FLT4: variants seen among roughly 807,000 people sequenced by gnomAD.
The protein encoded by FLT4 is vascular endothelial growth factor receptor 3.
FLT4 carries 30 observed loss-of-function variants against 163.2 expected under a neutral mutation model. That is an observed-to-expected ratio of 0.18 (90% CI 0.14 to 0.25). FLT4 has a LOEUF of 0.25. Ranked by LOEUF, FLT4 falls within the 10% of genes least tolerant of loss-of-function variation. The pLI is 1.00. For synonymous variants in FLT4, 884 were observed against 789.5 expected (o/e 1.12, Z -2.01); for missense variants, 1,510 against 1,863.8 (o/e 0.81, Z 3.50).
At chr5:180,637,198 T>C (rs1764751668) in intron 1 of FLT4, among the ~76,000 whole-genome samples, 1 of 151,348 alleles carries the variant, frequency 6.6e-6, no homozygotes, top group South Asian at 2.1e-4. Context: ...GGCACGGTGG[T>C]GGGTGCCTGT....
chr5:180,632,107 C>T (rs10080012), intron 1 of FLT4, among the ~76,000 whole-genome samples: 4,210 of 152,242 alleles, frequency 0.028, 88 homozygotes, highest in South Asian at 0.11. Context: ...GGGGGAGGGG[C>T]GCTGGAGTGT....
intron 1 of FLT4, among the ~76,000 whole-genome samples, chr5:180,645,960 G>A (rs1028521321): frequency 2.0e-5 from 3 of 152,156 alleles, no homozygotes; most frequent in African/African-American, 7.2e-5. Flanking sequence ...GCACAGGCTA[G>A]GCCTTGGTGG....
Position 180,630,824 on chromosome 5 carries a change from G to T in FLT4, c.156-25C>A. On this transcript the variant is annotated intron_variant, in intron 2 of 29. Transcript: ENST00000261937. The surrounding 1 kb of genome is among the most constrained non-coding windows in gnomAD (Gnocchi z 6.3). ...CCTGGCAGAGGACAGGAGTGGTCAGGTGGGCCCCAGGGCAGCCCATGGGGA... is the reference window on the plus strand; with the variant it reads ...CCTGGCAGAGGACAGGAGTGGTCAGTTGGGCCCCAGGGCAGCCCATGGGGA... The T allele has an allele frequency of 6.3e-7, 1 of 1,587,790 alleles. No individual in the cohort carries two copies. The highest frequency in any genetic ancestry group is 8.5e-7 in the Non-Finnish European group (1 of 1,171,720).
chr5:180,616,689 G>A (rs79450271), intron 22 of FLT4, among the ~76,000 whole-genome samples, 200 bp from the exon 23 acceptor site: 56 of 152,338 alleles, frequency 3.7e-4, no homozygotes, highest in East Asian at 2.7e-3. Flanking sequence ...AGCAGAGAAA[G>A]TTGTGGAGTC....
At chr5:180,629,867 C>T in intron 5 of FLT4, 32 bp from the exon 6 acceptor site, 1 of 1,612,612 alleles carries the variant, frequency 6.2e-7, no homozygotes, top group Non-Finnish European at 8.5e-7. Flanking sequence ...CTCCCACGCC[C>T]TCACAGGACG....
rs754012423 is a variant in FLT4, at chr5:180,622,809, T to C, written c.1579A>G (p.Asn527Asp). 4.3e-6 allele frequency: 7 copies of C among 1,613,548 alleles called. No individual in the cohort carries two copies. In the South Asian group the frequency reaches 7.7e-5, roughly 18 times the overall value. ...ACACACTTGTACATGGCAGACACGTTGGCATTCTGGATCACCAGCTTGCTC... is the reference window on the plus strand; with the variant it reads ...ACACACTTGTACATGGCAGACACGTCGGCATTCTGGATCACCAGCTTGCTC... Reference protein sequence around the residue: ...TVSKLVIQNANVSAMYKCVVS... With the variant: ...TVSKLVIQNADVSAMYKCVVS... The change falls in exon 12 of 30, where the codon AAC (asparagine) becomes GAC (aspartate). Residue 527 changes from asparagine to aspartate, a missense_variant. Asn to Asp is a conservative substitution (Grantham distance 23). Coordinates refer to ENST00000261937, the MANE Select transcript of FLT4 (RefSeq NM_182925.5).
At chr5:180,607,363 G>A (rs533815842) in intron 29 of FLT4, among the ~76,000 whole-genome samples, 3 of 152,192 alleles carry the variant, frequency 2.0e-5, no homozygotes, top group Non-Finnish European at 4.4e-5. Flanking sequence ...GTGGCCGGGC[G>A]CGGTGGCTCA....
At chr5:180,649,714 C>T (rs891073674), upstream of FLT4, 7 of 199,968 alleles carry the variant, frequency 3.5e-5, no homozygotes, top group African/African-American at 1.4e-4. Context: ...TCCCAGCCCG[C>T]CGCGGGGCGT....
chr5:180,623,928 C>T lies in FLT4; in HGVS notation c.1548+7G>A, dbSNP rs746941382. On this transcript the variant is annotated splice_region_variant and intron_variant, in intron 11 of 29. Coordinates refer to ENST00000261937, the MANE Select transcript of FLT4 (RefSeq NM_182925.5). The surrounding 1 kb of genome is among the most constrained non-coding windows in gnomAD (Gnocchi z 5.8). ...CCTGGGCACTCAGCAGCGCGGCTGG[C>T]CTGTACCTTATTCTTTCCCTCCACA... is the stretch of plus-strand genomic sequence containing the variant. 4.3e-6 allele frequency: 7 copies of T among 1,613,348 alleles called. No individual in the cohort carries two copies. In the African/African-American group the frequency reaches 8.0e-5, roughly 18 times the overall value.
chr5:180,618,958 G>C, intron 20 of FLT4, 38 bp from the exon 21 acceptor site: 1 of 1,557,868 alleles, frequency 6.4e-7, no homozygotes, highest in Non-Finnish European at 8.7e-7. Context: ...GCGCCCAGTC[G>C]TCCGCCGCAG....
In FLT4 at chr5:180,630,957, G is replaced by A. The variant is rs1286933285; in HGVS notation, c.156-158C>T. Among the ~76,000 whole-genome samples, 3 of 152,046 alleles carry A rather than the reference G, an allele frequency of 2.0e-5. No individual in the cohort carries two copies. Among genetic ancestry groups the A allele is most frequent in the Non-Finnish European group, 4.4e-5 (3 of 67,978 alleles). On this transcript the variant is annotated intron_variant, in intron 2 of 29. Transcript: ENST00000261937. This position sits in a 1 kb window ranked among gnomAD's most constrained non-coding sequence, Gnocchi z 6.3. Reference sequence around the variant, plus strand: ...ACACTACAGACCGTGCCCAGGGCAGGGCACTCCCCGACCCCCGGGCCTCTA... The same window carrying A: ...ACACTACAGACCGTGCCCAGGGCAGAGCACTCCCCGACCCCCGGGCCTCTA...
At chr5:180,631,912 CG>C (rs879902043) in intron 1 of FLT4, 134 bp from the exon 2 acceptor site, 387,549 of 675,704 alleles carry the variant, frequency 0.57, 113,227 homozygotes, top group Admixed American at 0.64. Context: ...CAGCCAGCAC[CG>C]CGTGGCCTGG....
chr5:180,624,148 CCA>C, intron 10 of FLT4, 87 bp from the exon 11 acceptor site: 6 of 1,514,490 alleles, frequency 4.0e-6, no homozygotes, highest in African/African-American at 1.4e-5. Flanking sequence ...CTTGTCATAT[CCA>C]GTCACCTTCT....
At chr5:180,649,177 C>A (rs1053563705) in intron 1 of FLT4, among the ~76,000 whole-genome samples, 5 of 151,774 alleles carry the variant, frequency 3.3e-5, no homozygotes, top group Non-Finnish European at 7.4e-5. Flanking sequence ...GCGCGCAGCC[C>A]GGCAGGGCCC....
upstream of FLT4, among the ~76,000 whole-genome samples, chr5:180,650,257 C>T (rs923584988): frequency 6.6e-6 from 1 of 151,946 alleles, no homozygotes; most frequent in Non-Finnish European, 1.5e-5. Flanking sequence ...GGAAGCCGCA[C>T]CCGTGAGCGG....
intron 2 of FLT4, among the ~76,000 whole-genome samples, chr5:180,631,466 C>T (rs1443086817): frequency 1.3e-5 from 2 of 151,644 alleles, no homozygotes. Flanking sequence ...GAGTGAGACT[C>T]CATCTCAGAA....
At chr5:180,611,523 A>G (rs748991652) in intron 26 of FLT4, 44 bp from the exon 27 acceptor site, 5 of 1,609,140 alleles carry the variant, frequency 3.1e-6, no homozygotes, top group Non-Finnish European at 4.2e-6. Context: ...ACCACCAGCC[A>G]CTGCCCTCAG....
At chr5:180,644,026 T>G (rs1320200538) in intron 1 of FLT4, among the ~76,000 whole-genome samples, 1 of 152,200 alleles carries the variant, frequency 6.6e-6, no homozygotes, top group Non-Finnish European at 1.5e-5. Context: ...TTCACCGTGT[T>G]GGCCAGGCTC....
intron 1 of FLT4, among the ~76,000 whole-genome samples, chr5:180,643,636 C>T (rs966451949): frequency 6.6e-6 from 1 of 152,106 alleles, no homozygotes; most frequent in African/African-American, 2.4e-5. Flanking sequence ...GCCTCCTTGG[C>T]CTCCTTGCCA....
Sources: allele counts gnomAD v4.1 joint callset (sites outside exome capture counted in the v4.1 genomes callset), GRCh38; gene constraint gnomAD v4.1.1; non-coding constraint Gnocchi (gnomAD v3.1); transcripts MANE v1.5; gene names NCBI Gene and HGNC (gene_info 2026-07-23, HGNC 2026-07-21).